The following TTC34 variants were observed in gnomAD, a reference collection of about 807,000 sequenced individuals.
The protein encoded by TTC34 is tetratricopeptide repeat domain 34, also known as tetratricopeptide repeat protein 34.
In TTC34, 44 loss-of-function variants were observed where a neutral mutation model predicts 40.7. The ratio of observed to expected loss-of-function variants is 1.08; its 90% confidence interval spans 0.85 to 1.39. The LOEUF is 1.39. Among genes scored for constraint, TTC34 ranks in the 40% most tolerant of loss-of-function variants. TTC34 has a pLI of 0.00. For missense variants in TTC34, 884 were observed against 838.0 expected (o/e 1.05, Z -0.68); for synonymous variants, 422 against 398.6 (o/e 1.06, Z -0.70).
At chr1:2,644,444 T>C (rs1489745465) in exon 8 of TTC34, 2 of 1,533,876 alleles carry the variant, frequency 1.3e-6, no homozygotes, top group Non-Finnish European at 1.7e-6. Context: ...GGTGCAGGGC[T>C]TTTTCCAGGT....
In TTC34 at chr1:2,747,742, G is replaced by C. The variant is rs1641199756; in HGVS notation, c.2226+35867C>G. ...CCCCCAGGCGAGCATCTGACAGCAT[G>C]TAACAGCACCCACACCCCCAGGTGA... On this transcript the variant is annotated intron_variant, in intron 6 of 8. Coordinates refer to ENST00000401095, the Ensembl canonical transcript of TTC34. Among the ~76,000 whole-genome samples, 12 of 127,222 alleles carry C rather than the reference G, an allele frequency of 9.4e-5. No homozygotes were observed. In the South Asian group the frequency reaches 3.4e-3, roughly 36 times the overall value. The allele number at this position is 127,222 out of a possible 152,430, so 83.5% of individuals were successfully genotyped here. A position where few individuals can be genotyped will look rare whatever the true frequency, so the allele number is the denominator to read the frequency against.
chr1:2,749,632 C>A (rs1463726764), intron 6 of TTC34, among the ~76,000 whole-genome samples: 5 of 83,836 alleles, frequency 6.0e-5, no homozygotes, highest in South Asian at 4.8e-4. Flanking sequence ...TGGTCTGGAG[C>A]AGCCCCCACA....
chr1:2,777,692 G>GC (rs1553168949), intron 6 of TTC34, among the ~76,000 whole-genome samples: 1 of 151,834 alleles, frequency 6.6e-6, no homozygotes, highest in South Asian at 2.1e-4. Flanking sequence ...AGGGCATGGG[G>GC]GGGGGGGCGC....
At chr1:2,783,323 C>A (rs537561876) in intron 6 of TTC34, among the ~76,000 whole-genome samples, 18 of 152,214 alleles carry the variant, frequency 1.2e-4, no homozygotes, top group Non-Finnish European at 2.5e-4. Flanking sequence ...ATGCACTGAG[C>A]ATTATCTAAG....
At chr1:2,699,642 A>AAC (rs1641038379) in intron 6 of TTC34, among the ~76,000 whole-genome samples, 1 of 23,684 alleles carries the variant, frequency 4.2e-5, no homozygotes, top group Non-Finnish European at 1.2e-4. Context: ...CAGCCTGGTG[A>AAC]AGCGCCCAAA....
intron 6 of TTC34, among the ~76,000 whole-genome samples, chr1:2,769,473 G>C (rs1430329157): frequency 1.5e-5 from 1 of 67,444 alleles, no homozygotes; most frequent in African/African-American, 8.5e-5. Context: ...CACACCTCCA[G>C]GGGAGCATCT....
intron 3 of TTC34, among the ~76,000 whole-genome samples, chr1:2,789,297 A>G (rs940283180): frequency 1.3e-5 from 2 of 152,228 alleles, no homozygotes; most frequent in African/African-American, 4.8e-5. Flanking sequence ...AAGGCCTGGA[A>G]GGAAATGTGA....
chr1:2,681,113 A>G (rs1435122080), intron 6 of TTC34, among the ~76,000 whole-genome samples: 1 of 97,414 alleles, frequency 1.0e-5, no homozygotes, highest in Non-Finnish European at 2.3e-5. Flanking sequence ...CCCCCAGGTG[A>G]GCATCTGACA....
At chr1:2,683,100 A>AACAGCCT (rs1640149695) in intron 6 of TTC34, among the ~76,000 whole-genome samples, 1 of 145,024 alleles carries the variant, frequency 6.9e-6, no homozygotes. Flanking sequence ...AGCCTGGAGC[A>AACAGCCT]GCATCCACAC....
intron 6 of TTC34, among the ~76,000 whole-genome samples, chr1:2,672,011 G>T (rs375012519): frequency 7.3e-5 from 10 of 137,550 alleles, no homozygotes; most frequent in South Asian, 4.8e-4. Context: ...GAATCTGACA[G>T]CCCAGAGCAG....
intron 6 of TTC34, among the ~76,000 whole-genome samples, chr1:2,686,685 C>A (rs1291735599): frequency 6.5e-5 from 3 of 46,286 alleles, no homozygotes; most frequent in South Asian, 6.4e-4. Context: ...CCCTGCACCC[C>A]CAGGTGCGCA....
At chr1:2,649,777 G>T (rs1225823078) in intron 6 of TTC34, among the ~76,000 whole-genome samples, 6 of 152,230 alleles carry the variant, frequency 3.9e-5, no homozygotes, top group Admixed American at 3.9e-4. Flanking sequence ...GCCTCCCAAA[G>T]TGCTGGGATT....
At chr1:2,794,670 C>T (rs1019410071) in intron 2 of TTC34, among the ~76,000 whole-genome samples, 31 of 152,072 alleles carry the variant, frequency 2.0e-4, no homozygotes, top group Admixed American at 1.7e-3. Context: ...ACAGCCTCCT[C>T]GTAATTGATT....
At chr1:2,773,058 C>T (rs1569844116) in intron 6 of TTC34, among the ~76,000 whole-genome samples, 1 of 147,286 alleles carries the variant, frequency 6.8e-6, no homozygotes, top group Admixed American at 6.7e-5. Context: ...GCACGCACAC[C>T]CCCAGGTGAG....
exon 4 of TTC34, chr1:2,787,611 C>T (rs989658488): frequency 1.6e-5 from 25 of 1,549,718 alleles, no homozygotes; most frequent in Non-Finnish European, 1.8e-5. Flanking sequence ...GCGGCCCAGG[C>T]GGTACAGGGC....
intron 6 of TTC34, among the ~76,000 whole-genome samples, chr1:2,647,658 T>C (rs1445884281): frequency 6.8e-6 from 1 of 147,984 alleles, no homozygotes; most frequent in Non-Finnish European, 1.5e-5. Flanking sequence ...TTTTTCTTTC[T>C]TTTATTTTGA....
intron 6 of TTC34, among the ~76,000 whole-genome samples, chr1:2,656,129 C>A (rs1639335241): frequency 6.6e-6 from 1 of 152,228 alleles, no homozygotes; most frequent in African/African-American, 2.4e-5. Flanking sequence ...GGAACAGAAC[C>A]CACAGCCCCA....
intron 7 of TTC34, among the ~76,000 whole-genome samples, chr1:2,644,879 A>AG (rs1284839874): frequency 2.0e-5 from 3 of 151,902 alleles, no homozygotes; most frequent in Non-Finnish European, 2.9e-5. Context: ...CCACATCACC[A>AG]GGGGGATGTG....
chr1:2,795,055 G>T (rs1643698745), intron 2 of TTC34, among the ~76,000 whole-genome samples: 1 of 150,592 alleles, frequency 6.6e-6, no homozygotes, highest in East Asian at 2.0e-4. Context: ...CAACAATCAA[G>T]CCTGGGCAAC....
Sources: gnomAD v4.1 joint callset for allele counts (sites outside exome capture counted in the v4.1 genomes callset) on GRCh38, gnomAD v4.1.1 for gene constraint, MANE v1.5 for transcripts, NCBI Gene and HGNC (gene_info 2026-07-23, HGNC 2026-07-21) for gene names.